The following GPHN variants were observed in gnomAD, a reference collection of about 807,000 sequenced individuals.
The protein encoded by GPHN is gephyrin.
GPHN carries 17 observed loss-of-function variants against 95.5 expected under a neutral mutation model. That is an observed-to-expected ratio of 0.18 (90% CI 0.12 to 0.27). The LOEUF (loss-of-function observed/expected upper bound fraction) is 0.27. Ranked by LOEUF, GPHN falls within the 10% of genes least tolerant of loss-of-function variation. GPHN has a pLI of 1.00. For synonymous variants in GPHN, 320 were observed against 322.5 expected, an observed-to-expected ratio of 0.99 and a Z score of 0.08; for missense variants, 660 against 978.1, an observed-to-expected ratio of 0.67 and a Z score of 4.34.
intron 2 of GPHN, among the ~76,000 whole-genome samples, chr14:66,685,610 T>G (rs978977207): frequency 6.6e-6 from 1 of 152,198 alleles, no homozygotes; most frequent in Non-Finnish European, 1.5e-5. Flanking sequence ...TTTTTTCTTG[T>G]AAATTTGTTT....
intron 3 of GPHN, among the ~76,000 whole-genome samples, chr14:66,811,798 A>G (rs1357058350): frequency 6.6e-6 from 1 of 152,230 alleles, no homozygotes; most frequent in Non-Finnish European, 1.5e-5. Context: ...TGTTTAAGCT[A>G]CTTTGAGAAT....
At chr14:67,093,942 T>C (rs1015390081) in intron 12 of GPHN, among the ~76,000 whole-genome samples, 2 of 152,156 alleles carry the variant, frequency 1.3e-5, no homozygotes, top group Non-Finnish European at 2.9e-5. Flanking sequence ...AGTGTAGTTC[T>C]ATAAGCAGAG....
chr14:67,321,184 G>T, the GPHN span: 2 of 1,614,076 alleles, frequency 1.2e-6, no homozygotes, highest in Non-Finnish European at 1.7e-6. Flanking sequence ...AGAAGAATTT[G>T]TATGGAACTA....
the GPHN span, among the ~76,000 whole-genome samples, chr14:67,434,837 G>C: frequency 6.6e-6 from 1 of 152,178 alleles, no homozygotes; most frequent in African/African-American, 2.4e-5. Context: ...CAAGGTCCAG[G>C]GGGTGCATCT....
the GPHN span, among the ~76,000 whole-genome samples, chr14:67,243,209 G>GT: frequency 6.6e-6 from 1 of 150,584 alleles, no homozygotes; most frequent in African/African-American, 2.4e-5. Context: ...TTTTTTGTGA[G>GT]ACATAGTCTC....
chr14:67,445,636 G>C, the GPHN span, among the ~76,000 whole-genome samples: 8 of 134,044 alleles, frequency 6.0e-5, no homozygotes, highest in African/African-American at 2.0e-4. Context: ...CCAGGCTGGA[G>C]TGCAGTGACA....
the GPHN span, among the ~76,000 whole-genome samples, chr14:67,561,478 G>A: frequency 1.3e-5 from 2 of 152,118 alleles, no homozygotes; most frequent in Non-Finnish European, 2.9e-5. Context: ...GTGGGAGGAT[G>A]GTTTGAGCCC....
At chr14:67,319,842 G>A in the GPHN span, among the ~76,000 whole-genome samples, 41 of 152,160 alleles carry the variant, frequency 2.7e-4, no homozygotes, top group African/African-American at 9.9e-4. Flanking sequence ...TATACATTAT[G>A]TCTGATTCTT....
intron 9 of GPHN, among the ~76,000 whole-genome samples, chr14:66,968,705 C>T (rs1318435005): frequency 2.6e-5 from 4 of 152,042 alleles, no homozygotes; most frequent in African/African-American, 7.2e-5. Context: ...ATTTGACTGA[C>T]CATCCTTACC....
the GPHN span, among the ~76,000 whole-genome samples, chr14:67,357,083 T>A: frequency 6.6e-6 from 1 of 152,246 alleles, no homozygotes; most frequent in Non-Finnish European, 1.5e-5. Flanking sequence ...CACTTACAGC[T>A]AATATGTAGC....
At chr14:67,022,619 T>C (rs1187255646) in intron 9 of GPHN, among the ~76,000 whole-genome samples, 2 of 147,354 alleles carry the variant, frequency 1.4e-5, no homozygotes, top group Non-Finnish European at 3.0e-5. Flanking sequence ...TTTTCTTGTA[T>C]GTATGTTTGT....
chr14:66,587,712 C>T (rs577535181), intron 1 of GPHN, among the ~76,000 whole-genome samples: 9 of 152,182 alleles, frequency 5.9e-5, no homozygotes, highest in Non-Finnish European at 1.2e-4. Context: ...TCTGACATTA[C>T]TATAAAGAAC....
intron 1 of GPHN, among the ~76,000 whole-genome samples, chr14:66,654,678 C>T (rs1311206518): frequency 6.6e-6 from 1 of 152,132 alleles, no homozygotes; most frequent in African/African-American, 2.4e-5. Flanking sequence ...TTTATCTATA[C>T]TTCCTTTTAT....
intron 8 of GPHN, among the ~76,000 whole-genome samples, chr14:66,946,107 C>T (rs2067733706): frequency 1.3e-5 from 2 of 151,720 alleles, no homozygotes; most frequent in South Asian, 4.2e-4. Flanking sequence ...TAAATAGGAC[C>T]ATGGATACTT....
At chr14:67,587,318 C>T in the GPHN span, 127 of 1,485,434 alleles carry the variant, frequency 8.5e-5, 1 homozygote, top group East Asian at 1.1e-4. Flanking sequence ...ACTACTGTGA[C>T]GGGTCTAACA....
At chr14:67,107,089 CTG>C (rs1261858970) in intron 13 of GPHN, among the ~76,000 whole-genome samples, 1 of 152,170 alleles carries the variant, frequency 6.6e-6, no homozygotes, top group Non-Finnish European at 1.5e-5. Context: ...TCAGTAATAA[CTG>C]TGAGTACCTC....
chr14:66,653,284 CCTG>C (rs2065139248), intron 1 of GPHN, among the ~76,000 whole-genome samples: 1 of 152,072 alleles, frequency 6.6e-6, no homozygotes, highest in Non-Finnish European at 1.5e-5. Flanking sequence ...AGTCAGCCAT[CCTG>C]CTCCATAGTC....
chr14:67,356,830 T>A, the GPHN span, among the ~76,000 whole-genome samples: 1 of 152,236 alleles, frequency 6.6e-6, no homozygotes, highest in African/African-American at 2.4e-5. Context: ...GAGAAGGAGC[T>A]ATCCATCTCA....
At chr14:67,363,508 G>T in the GPHN span, among the ~76,000 whole-genome samples, 106 of 152,200 alleles carry the variant, frequency 7.0e-4, no homozygotes, top group Non-Finnish European at 1.3e-3. Flanking sequence ...ATAGTTTTGA[G>T]AGAATATAGT....
Sources: allele counts gnomAD v4.1 joint callset (sites outside exome capture counted in the v4.1 genomes callset), GRCh38; gene constraint gnomAD v4.1.1; transcripts MANE v1.5; gene names NCBI Gene and HGNC (gene_info 2026-07-23, HGNC 2026-07-21).